Variants in MUC3A observed in about 807,000 individuals in gnomAD.
The protein encoded by MUC3A is mucin-3A.
A neutral mutation model predicts 109.0 loss-of-function variants in MUC3A; 109 were observed. The ratio of observed to expected loss-of-function variants is 1.00; its 90% CI spans 0.86 to 1.17. The LOEUF is 1.17. Among genes scored for constraint, MUC3A ranks in the 50% most tolerant of loss-of-function variants. The pLI, the probability that MUC3A is intolerant of heterozygous loss-of-function variation, is 0.00. For synonymous variants in MUC3A, 1,398 were observed against 981.4 expected (o/e 1.42, Z -7.93); for missense variants, 3,537 against 2,469.4 (o/e 1.43, Z -9.16).
chr7:100,957,814 C>A lies in MUC3A; in HGVS notation c.6035C>A (p.Ser2012Tyr), dbSNP rs1041873190. The change falls in exon 2 of 12, where the codon TCC (serine) becomes TAC (tyrosine). Residue 2012 changes from serine to tyrosine, a missense_variant. Physicochemically the swap from Ser to Tyr is moderately radical, Grantham distance 144. Coordinates refer to ENST00000379458, the MANE Select transcript of MUC3A (RefSeq NM_005960.2). ...TSHSTPSFTS[S>Y]ITTTETTSHN... Reference sequence around the variant, plus strand: ...CACAGTACTCCCAGCTTCACTTCTTCCATCACCACCACTGAGACCACATCC... The same window carrying A: ...CACAGTACTCCCAGCTTCACTTCTTACATCACCACCACTGAGACCACATCC... 4 of 507,188 alleles carry A rather than the reference C, an allele frequency of 7.9e-6. No homozygotes were observed. The highest frequency in any genetic ancestry group is 1.2e-5 in the Non-Finnish European group (4 of 331,132). The allele number at this position is 507,188 out of a possible 1,614,324, so 31.4% of individuals were successfully genotyped here.
chr7:100,965,333 A>G lies in MUC3A; in HGVS notation c.9434A>G (p.Glu3145Gly). 1.3e-6 allele frequency: 2 copies of G among 1,599,020 alleles called. No individual in the cohort carries two copies. Among genetic ancestry groups the G allele is most frequent in the Non-Finnish European group, 1.7e-6 (2 of 1,179,660 alleles). Residue 3145 changes from glutamate to glycine, a missense_variant, in exon 7 of 12, where the codon GAG (glutamate) becomes GGG (glycine). Glu to Gly is a moderately conservative substitution (Grantham distance 98, BLOSUM62 -2). Transcript: ENST00000379458. ...AAGGTGAACAACAACAGCAAGACAG[A>G]GCTGACCCCGGCAGGTAAGGGTGGG... is the stretch of plus-strand genomic sequence containing the variant. ...SIKVNNNSKT[E>G]LTPAAICRRA...
At position 100,955,938 on chromosome 7, in the gene MUC3A, A is replaced by T. The variant is rs1295337696; in HGVS notation, c.4159A>T (p.Ile1387Phe). 13 of 540,980 alleles carry T rather than the reference A, an allele frequency of 2.4e-5. No homozygotes were observed. The South Asian group carries it at 3.6e-4, about 15-fold the overall frequency. 33.5% of individuals were successfully genotyped at this position (540,980 alleles called of 1,614,324 possible). Reference protein sequence around the residue: ...LTTAMTSTPPITSSITPTDTM... With the variant: ...LTTAMTSTPPFTSSITPTDTM... ...AACAGCCATGACTTCTACTCCCCCC[A>T]TCACTTCTTCAATCACTCCCACCGA... Residue 1387 changes from isoleucine to phenylalanine, a missense_variant, in exon 2 of 12, where the codon ATC becomes TTC. By Grantham distance (21) the Ile-to-Phe change is conservative. Transcript: ENST00000379458.
chr7:100,967,479 G>C lies in MUC3A; in HGVS notation c.*317G>C. On this transcript the variant is annotated 3_prime_UTR_variant, in exon 12 of 12. Coordinates refer to ENST00000379458, the MANE Select transcript of MUC3A (RefSeq NM_005960.2). ...ACGCCGTTGTTGTGAAAACCACATA[G>C]ACTTGGTCAATTCTCGGTCCTACTC... is the stretch of plus-strand genomic sequence containing the variant. 1.8e-6 allele frequency: 1 copy of C among 570,242 alleles called. No homozygotes were observed. The highest frequency in any genetic ancestry group is 2.4e-5 in the South Asian group (1 of 42,140). The allele number at this position is 570,242 out of a possible 1,614,324, so 35.3% of individuals were successfully genotyped here.
chr7:100,951,742 G>A, intron 1 of MUC3A, 99 bp from the exon 2 acceptor site: 2 of 1,526,606 alleles, frequency 1.3e-6, no homozygotes, highest in Non-Finnish European at 1.8e-6. Context: ...CCTCTGTGAT[G>A]CTGCCTGGAA....
rs1419239620 is a variant in MUC3A, at chr7:100,967,578, C to T, written c.*416C>T. ...CCAATCCTCACGTCCTTCACCTGGT[C>T]TCTGGCCCTGGTTCTTATTTTCTCT... On this transcript the variant is annotated 3_prime_UTR_variant, in exon 12 of 12. Transcript: ENST00000379458. 14 of 392,910 alleles carry T rather than the reference C, an allele frequency of 3.6e-5. No homozygotes were observed. The highest frequency in any genetic ancestry group is 5.0e-5 in the Non-Finnish European group (11 of 217,926). 24.3% of individuals were successfully genotyped at this position (392,910 alleles called of 1,614,324 possible). A position where few individuals can be genotyped will look rare whatever the true frequency, so the allele number is the denominator to read the frequency against.
At chr7:100,960,702 A>G (rs948508304) in intron 2 of MUC3A, 50 bp from the exon 3 acceptor site, 16 of 1,592,986 alleles carry the variant, frequency 1.0e-5, no homozygotes, top group Non-Finnish European at 1.3e-5. Context: ...TTCCTGTGTC[A>G]CTGAGGTCAG....
Position 100,961,067 on chromosome 7 carries a change from C to T in MUC3A, c.9052+130C>T, listed in dbSNP as rs1046477068. ...CCCGGTCCTTCCCTCCCTGCCATCT[C>T]TCCCATGCCCTCCGCTGCCCTGTGT... On this transcript the variant is annotated intron_variant, in intron 3 of 11. Transcript: ENST00000379458. The T allele has an allele frequency of 2.0e-6, 3 of 1,536,872 alleles. No homozygotes were observed. In the African/African-American group the frequency reaches 4.1e-5, roughly 21 times the overall value.
rs1792065251 is a variant in MUC3A, at chr7:100,955,080, GA to G, written c.3304del (p.Ile1102SerfsTer7). Reference protein sequence around the residue: ...PTSIVSDSTTEITYSTSITGT... With the variant: ...PTSIVSDSTTXITYSTSITGT... The stretch of plus-strand genomic sequence containing the variant: ...CAGCATTGTCTCAGACTCCACGACT[GA>G]AATCACCTATTCCACAAGTATAACA... On this transcript the variant is annotated frameshift_variant, in exon 2 of 12. Transcript: ENST00000379458. LOFTEE classifies it high-confidence loss of function. 1 of 592,704 alleles carries G rather than the reference GA, an allele frequency of 1.7e-6. No individual in the cohort carries two copies. Among genetic ancestry groups the G allele is most frequent in the Admixed American group, 3.0e-5 (1 of 32,866 alleles). The allele number at this position is 592,704 out of a possible 1,614,324, so 36.7% of individuals were successfully genotyped here.
At chr7:100,962,633 CTTTCT>C (rs1446161215) in intron 3 of MUC3A, among the ~76,000 whole-genome samples, 1 of 686 alleles carries the variant, frequency 1.5e-3, no homozygotes, top group Non-Finnish European at 3.0e-3. Flanking sequence ...TCGCTCTCTT[CTTTCT>C]TTTCTTCTTT....
rs1273784544 is a variant in MUC3A, at chr7:100,955,628, T to TA, written c.3850dup (p.Thr1284AsnfsTer36). The TA allele has an allele frequency of 2.7e-6, 1 of 372,672 alleles. No homozygotes were observed. Among genetic ancestry groups the TA allele is most frequent in the African/African-American group, 2.7e-5 (1 of 37,620 alleles). The allele number at this position is 372,672 out of a possible 1,614,324, so 23.1% of individuals were successfully genotyped here. A position where few individuals can be genotyped will look rare whatever the true frequency, so the allele number is the denominator to read the frequency against. Reference sequence around the variant, plus strand: ...GTTCCCTCCTGACGACCTTCCCAAGTACATATTCATTTTCATCTTCCATGT... The same window carrying TA: ...GTTCCCTCCTGACGACCTTCCCAAGTAACATATTCATTTTCATCTTCCATGT... On this transcript the variant is annotated frameshift_variant, in exon 2 of 12. Transcript: ENST00000379458. LOFTEE classifies it high-confidence loss of function.
At position 100,957,782 on chromosome 7, in the gene MUC3A, C is replaced by G; in HGVS notation, c.6003C>G (p.Thr2001=). ...SYTSLITTTT[T]TSHSTPSFTS... ...CTTCTTTGATCACCACAACCACCACCACCTCACACAGTACTCCCAGCTTCA... is the reference window on the plus strand; with the variant it reads ...CTTCTTTGATCACCACAACCACCACGACCTCACACAGTACTCCCAGCTTCA... Residue 2001 remains threonine, a synonymous_variant, in exon 2 of 12, where the codon ACC becomes ACG. Coordinates refer to ENST00000379458, the MANE Select transcript of MUC3A (RefSeq NM_005960.2). 1 of 1,136,260 alleles carries G rather than the reference C, an allele frequency of 8.8e-7. No homozygotes were observed. The highest frequency in any genetic ancestry group is 1.3e-6 in the Non-Finnish European group (1 of 799,372). 70.4% of individuals were successfully genotyped at this position (1,136,260 alleles called of 1,614,324 possible).
rs1036957632 is a variant in MUC3A, at chr7:100,957,060, C to A, written c.5281C>A (p.Pro1761Thr). The A allele has an allele frequency of 4.9e-5, 23 of 467,602 alleles. No individual in the cohort carries two copies. The highest frequency in any genetic ancestry group is 4.4e-4 in the African/African-American group (22 of 50,058). 29.0% of individuals were successfully genotyped at this position (467,602 alleles called of 1,614,324 possible). Residue 1761 changes from proline to threonine, a missense_variant, in exon 2 of 12, where the codon CCC becomes ACC. Physicochemically the swap from Pro to Thr is conservative, Grantham distance 38. Coordinates refer to ENST00000379458, the MANE Select transcript of MUC3A (RefSeq NM_005960.2). ...GSFKTAVSST[P>T]PITSSITSTY... ...TTTCAAAACAGCCGTGAGTTCTACT[C>A]CCCCCATCACTTCTTCAATCACCTC...
Position 100,958,212 on chromosome 7 carries a change from A to G in MUC3A, c.6433A>G (p.Thr2145Ala). The G allele has an allele frequency of 1.5e-5, 21 of 1,429,734 alleles. No individual in the cohort carries two copies. Among genetic ancestry groups the G allele is most frequent in the Middle Eastern group, 3.5e-4 (2 of 5,718 alleles). The allele number at this position is 1,429,734 out of a possible 1,614,324, so 88.6% of individuals were successfully genotyped here. The stretch of plus-strand genomic sequence containing the variant: ...CGCCACACACAGTACTCCCAACTTC[A>G]CTTCTTCAATCACCACCACCGAGAC... The part of the protein sequence containing the change: ...ENATHSTPNF[T>A]SSITTTETTS... Residue 2145 changes from threonine to alanine, a missense_variant, in exon 2 of 12, where the codon ACT (threonine) becomes GCT (alanine). Thr to Ala is a moderately conservative substitution (Grantham distance 58, BLOSUM62 0). Transcript: ENST00000379458.
chr7:100,960,401 C>T lies in MUC3A; in HGVS notation c.8622C>T (p.Ser2874=). Reference sequence around the variant, plus strand: ...TGCCCACCAGTGAGACCTGGCTGAGCAACAGTTCTGTGATCCCCCTACCTC... The same window carrying T: ...TGCCCACCAGTGAGACCTGGCTGAGTAACAGTTCTGTGATCCCCCTACCTC... ...TRLPTSETWL[S]NSSVIPLPLP... Residue 2874 remains serine (S), a synonymous_variant, in exon 2 of 12, where the codon AGC becomes AGT. Coordinates refer to ENST00000379458, the MANE Select transcript of MUC3A (RefSeq NM_005960.2). 1 of 1,598,542 alleles carries T rather than the reference C, an allele frequency of 6.3e-7. No homozygotes were observed. Among genetic ancestry groups the T allele is most frequent in the Non-Finnish European group, 8.5e-7 (1 of 1,179,824 alleles).
chr7:100,952,442 T>C lies in MUC3A; in HGVS notation c.663T>C (p.Ser221=), dbSNP rs748757741. ...CAACCTTCCACACTACAATCTCGTC[T>C]ACAACTAGAACCACAGAAAGGACTC... The part of the protein sequence containing the change: ...TDTTFHTTIS[S]TTRTTERTPL... Residue 221 remains serine, a synonymous_variant, in exon 2 of 12, where the codon TCT becomes TCC. Coordinates refer to ENST00000379458, the MANE Select transcript of MUC3A (RefSeq NM_005960.2). 1 of 1,598,586 alleles carries C rather than the reference T, an allele frequency of 6.3e-7. No individual in the cohort carries two copies. The highest frequency in any genetic ancestry group is 1.3e-5 in the African/African-American group (1 of 75,080).
intron 3 of MUC3A, among the ~76,000 whole-genome samples, chr7:100,962,555 G>T (rs191876841): frequency 6.4e-4 from 97 of 152,416 alleles, no homozygotes; most frequent in Non-Finnish European, 4.0e-4. Context: ...GCAGCCAGGA[G>T]GGACCACAGG....
chr7:100,966,420 C>G lies in MUC3A; in HGVS notation c.9646C>G (p.Pro3216Ala). The change falls in exon 9 of 12, where the codon CCG (proline) becomes GCG (alanine). Residue 3216 changes from proline to alanine, a missense_variant. Transcript: ENST00000379458. Reference sequence around the variant, plus strand: ...CACCGACACGCACTGGTTCTCTGGCCCGCGCTGCGAGGTGGCCGTCCACTG... The same window carrying G: ...CACCGACACGCACTGGTTCTCTGGCGCGCGCTGCGAGGTGGCCGTCCACTG... The part of the protein sequence containing the change: ...YSTDTHWFSG[P>A]RCEVAVHWRA... The G allele has an allele frequency of 7.4e-7, 1 of 1,349,504 alleles. No individual in the cohort carries two copies. Among genetic ancestry groups the G allele is most frequent in the African/African-American group, 1.5e-5 (1 of 66,942 alleles). 83.6% of individuals were successfully genotyped at this position (1,349,504 alleles called of 1,614,324 possible).
Position 100,963,158 on chromosome 7 carries a change from G to A in MUC3A, c.9060G>A (p.Val3020=), listed in dbSNP as rs1022205692. The change falls in exon 4 of 12, where the codon GTG becomes GTA. Residue 3020 remains valine (V), a synonymous_variant. Transcript: ENST00000379458. ...CATGCATGCTCTGTGTAGATGTAGTGGAGACCGAGGTGGGCATGGAAGTGT... is the reference window on the plus strand; with the variant it reads ...CATGCATGCTCTGTGTAGATGTAGTAGAGACCGAGGTGGGCATGGAAGTGT... ...FAVEQVDLDV[V]ETEVGMEVSV... 11 of 1,598,220 alleles carry A rather than the reference G, an allele frequency of 6.9e-6. No homozygotes were observed. Among genetic ancestry groups the A allele is most frequent in the Non-Finnish European group, 8.5e-6 (10 of 1,179,736 alleles).
At chr7:100,965,659 T>A (rs1295146981) in intron 7 of MUC3A, 45 bp from the exon 8 acceptor site, 1 of 1,571,376 alleles carries the variant, frequency 6.4e-7, no homozygotes. Flanking sequence ...CTGAATAGAA[T>A]GGATGAGGTC....
Sources: gnomAD v4.1 joint callset for allele counts (sites outside exome capture counted in the v4.1 genomes callset) on GRCh38, gnomAD v4.1.1 for gene constraint, MANE v1.5 for transcripts, NCBI Gene and HGNC (gene_info 2026-07-23, HGNC 2026-07-21) for gene names.